The following ADAM18 variants were observed in gnomAD, a reference collection of about 807,000 sequenced individuals.
ADAM18 encodes disintegrin and metalloproteinase domain-containing protein 18.
Under a neutral mutation model 94.4 loss-of-function variants are expected in ADAM18, and 117 were observed. The ratio of observed to expected loss-of-function variants is 1.24; its 90% confidence interval spans 1.07 to 1.45. ADAM18 has a LOEUF of 1.45. Among genes scored for constraint, ADAM18 ranks in the 40% most tolerant of loss-of-function variants. The pLI is 0.00. For missense variants in ADAM18, 936 were observed against 880.0 expected, an observed-to-expected ratio of 1.06 and a Z score of -0.81; for synonymous variants, 327 against 291.6, an observed-to-expected ratio of 1.12 and a Z score of -1.24.
At position 39,637,537 on chromosome 8, in the gene ADAM18, A is replaced by C. The variant is rs752345891; in HGVS notation, c.661A>C (p.Met221Leu). 7.5e-6 allele frequency: 12 copies of C among 1,595,826 alleles called. No individual in the cohort carries two copies. The highest frequency in any genetic ancestry group is 1.0e-5 in the Non-Finnish European group (12 of 1,173,104). Residue 221 changes from methionine (M) to leucine (L), a missense_variant and splice_region_variant, in exon 9 of 20, where the codon ATG (methionine) becomes CTG (leucine). By Grantham distance (15) the Met-to-Leu change is conservative. Coordinates refer to ENST00000265707, the MANE Select transcript of ADAM18 (RefSeq NM_014237.3). Reference protein sequence around the residue: ...IVQVIGLVNTMFTQFKLTVIL... With the variant: ...IVQVIGLVNTLFTQFKLTVIL... ...AATGTACAATACATCTTATTTTTAG[A>C]TGTTTACCCAGTTCAAATTGACTGT... is the stretch of plus-strand genomic sequence containing the variant.
chr8:39,635,930 A>G (rs1820062523), intron 7 of ADAM18, among the ~76,000 whole-genome samples: 1 of 151,716 alleles, frequency 6.6e-6, no homozygotes, highest in African/African-American at 2.4e-5. Flanking sequence ...CTTTTCCTAC[A>G]TTCTGAATGA....
At chr8:39,684,604 T>C (rs902236609) in intron 16 of ADAM18, among the ~76,000 whole-genome samples, 1 of 152,118 alleles carries the variant, frequency 6.6e-6, no homozygotes. Context: ...CAGCCTGAGG[T>C]TGAGGGGGCA....
In ADAM18 at chr8:39,668,165, T is replaced by C. The variant is rs139863309; in HGVS notation, c.1494T>C (p.Thr498=). Residue 498 remains threonine (T), a synonymous_variant, in exon 14 of 20, where the codon ACT becomes ACC. Coordinates refer to ENST00000265707, the MANE Select transcript of ADAM18 (RefSeq NM_014237.3). ...AYCYNGQCQT[T]DNQCAKIFGK... ...GCTATAACGGACAATGTCAAACTAC[T>C]GATAACCAGTGTGCCAAGATATTTG... 3.5e-5 allele frequency: 56 copies of C among 1,614,114 alleles called. No homozygotes were observed. The highest frequency in any genetic ancestry group is 4.4e-5 in the Non-Finnish European group (52 of 1,179,980).
At chr8:39,606,773 C>G (rs551688786) in intron 3 of ADAM18, among the ~76,000 whole-genome samples, 2 of 151,942 alleles carry the variant, frequency 1.3e-5, no homozygotes, top group African/African-American at 2.4e-5. Flanking sequence ...GGGCTGAGTC[C>G]GAACAGAGAG....
intron 17 of ADAM18, among the ~76,000 whole-genome samples, chr8:39,702,354 T>C (rs1199511213): frequency 6.6e-6 from 1 of 152,170 alleles, no homozygotes; most frequent in East Asian, 1.9e-4. Context: ...TTCTTCTTCT[T>C]GTAAATTTAA....
rs767541511 is a variant in ADAM18 at position 39,629,418 on chromosome 8, C to T, written c.567C>T (p.Tyr189=). Residue 189 remains tyrosine, a synonymous_variant, in exon 7 of 20, where the codon TAC becomes TAT. Coordinates refer to ENST00000265707, the MANE Select transcript of ADAM18 (RefSeq NM_014237.3). ...SKLLPQYLEI[Y]IIVEKALYDY... is the part of the protein sequence containing the mutation. ...TATTACCCCAATATCTGGAAATATACATTATAGTGGAAAAAGCTTTGGTAA... is the reference window on the plus strand; with the variant it reads ...TATTACCCCAATATCTGGAAATATATATTATAGTGGAAAAAGCTTTGGTAA... 1 of 1,582,292 alleles carries T rather than the reference C, an allele frequency of 6.3e-7. No homozygotes were observed. The highest frequency in any genetic ancestry group is 8.6e-7 in the Non-Finnish European group (1 of 1,162,658).
chr8:39,641,258 G>A (rs897377626), intron 10 of ADAM18, among the ~76,000 whole-genome samples: 1 of 151,962 alleles, frequency 6.6e-6, no homozygotes, highest in African/African-American at 2.4e-5. Flanking sequence ...TATTAAATAG[G>A]CAATCCTTTC....
At chr8:39,620,411 TA>T (rs1234137987) in intron 6 of ADAM18, among the ~76,000 whole-genome samples, 8 of 120,074 alleles carry the variant, frequency 6.7e-5, no homozygotes, top group South Asian at 2.5e-4. Flanking sequence ...AGAAAAAATG[TA>T]AAAAAAAACC....
chr8:39,677,379 C>T, intron 14 of ADAM18, 52 bp from the exon 15 acceptor site: 5 of 1,411,534 alleles, frequency 3.5e-6, no homozygotes, highest in Non-Finnish European at 4.9e-6. Context: ...TACTGACAAA[C>T]ATTTAACTCA....
intron 2 of ADAM18, among the ~76,000 whole-genome samples, chr8:39,602,080 G>T (rs1818923668): frequency 6.6e-6 from 1 of 151,948 alleles, no homozygotes; most frequent in Admixed American, 6.6e-5. Context: ...TGGGCATTTG[G>T]GTTGCTTCCA....
chr8:39,724,509 C>T (rs906484994), intron 19 of ADAM18, among the ~76,000 whole-genome samples: 1 of 151,494 alleles, frequency 6.6e-6, no homozygotes, highest in Non-Finnish European at 1.5e-5. Flanking sequence ...TTAAAAGATC[C>T]AACTTTTTGT....
intron 18 of ADAM18, 30 bp downstream of exon 18, chr8:39,706,934 A>C: frequency 1.6e-6 from 2 of 1,280,586 alleles, no homozygotes; most frequent in South Asian, 2.5e-5. Context: ...CTAAAGCAAA[A>C]TAGAAGGTTG....
chr8:39,605,948 A>G (rs1819068875), intron 2 of ADAM18, among the ~76,000 whole-genome samples: 1 of 152,160 alleles, frequency 6.6e-6, no homozygotes, highest in East Asian at 1.9e-4. Context: ...GAGTGAGAAC[A>G]TGTGATGTTT....
At chr8:39,716,212 C>T (rs568615013) in intron 18 of ADAM18, among the ~76,000 whole-genome samples, 10 of 151,724 alleles carry the variant, frequency 6.6e-5, no homozygotes, top group Admixed American at 1.3e-4. Flanking sequence ...TGCTCTAATA[C>T]TTGCTATTTT....
chr8:39,627,183 G>A (rs985582733), intron 6 of ADAM18, among the ~76,000 whole-genome samples: 3 of 152,098 alleles, frequency 2.0e-5, no homozygotes, highest in Admixed American at 6.6e-5. Flanking sequence ...CCGAGACTGG[G>A]TAATTTGTAA....
chr8:39,687,158 T>C (rs141237141), intron 16 of ADAM18, among the ~76,000 whole-genome samples: 125 of 152,334 alleles, frequency 8.2e-4, no homozygotes, highest in African/African-American at 3.0e-3. Flanking sequence ...CACCTATATA[T>C]AGGAAGTTCT....
chr8:39,597,807 G>A (rs956011996), intron 2 of ADAM18, among the ~76,000 whole-genome samples: 2 of 152,090 alleles, frequency 1.3e-5, no homozygotes, highest in African/African-American at 2.4e-5. Context: ...TTTGTTTGTC[G>A]ATATTTGCAA....
At chr8:39,725,009 T>C (rs976872610) in intron 19 of ADAM18, among the ~76,000 whole-genome samples, 1 of 151,960 alleles carries the variant, frequency 6.6e-6, no homozygotes, top group Non-Finnish European at 1.5e-5. Flanking sequence ...CTGAAGACTG[T>C]TCCAAATACA....
chr8:39,651,226 C>T (rs1242519675), intron 12 of ADAM18, among the ~76,000 whole-genome samples: 1 of 152,002 alleles, frequency 6.6e-6, no homozygotes. Context: ...AATATACAAT[C>T]GGGTTTTACA....
Sources: gnomAD v4.1 joint callset for allele counts (sites outside exome capture counted in the v4.1 genomes callset) on GRCh38, gnomAD v4.1.1 for gene constraint, MANE v1.5 for transcripts, NCBI Gene and HGNC (gene_info 2026-07-23, HGNC 2026-07-21) for gene names.